VMP1: variants seen among roughly 807,000 people sequenced by gnomAD.
The protein encoded by VMP1 is ectopic P-granules autophagy protein 3 homolog.
Under a neutral mutation model 56.0 loss-of-function variants are expected in VMP1, and 11 were observed. That is an observed-to-expected ratio of 0.20 (90% CI 0.12 to 0.32). The LOEUF (loss-of-function observed/expected upper bound fraction) is 0.32. VMP1 is among the 10% of genes least tolerant of loss of function. The pLI is 1.00. For missense variants in VMP1, 296 were observed against 490.3 expected, an observed-to-expected ratio of 0.60 and a Z score of 3.74; for synonymous variants, 149 against 165.0, an observed-to-expected ratio of 0.90 and a Z score of 0.74.
At chr17:59,769,231 T>C (rs1320303559) in intron 6 of VMP1, among the ~76,000 whole-genome samples, 1 of 151,076 alleles carries the variant, frequency 6.6e-6, no homozygotes, top group East Asian at 2.0e-4. Flanking sequence ...TCTCACTCAC[T>C]GCAACCTCCG....
At chr17:59,756,563 C>G (rs1001282786) in intron 5 of VMP1, among the ~76,000 whole-genome samples, 1 of 152,220 alleles carries the variant, frequency 6.6e-6, no homozygotes, top group Non-Finnish European at 1.5e-5. Flanking sequence ...ATTGACATTA[C>G]AGATGTTGTC....
intron 1 of VMP1, among the ~76,000 whole-genome samples, chr17:59,717,195 C>T (rs760044760): frequency 1.3e-5 from 2 of 152,024 alleles, no homozygotes; most frequent in Non-Finnish European, 1.5e-5. Context: ...TGGTCTTGAT[C>T]TCCTGACCTC....
At chr17:59,810,618 G>A (rs2038024810) in intron 8 of VMP1, among the ~76,000 whole-genome samples, 1 of 152,156 alleles carries the variant, frequency 6.6e-6, no homozygotes, top group African/African-American at 2.4e-5. Flanking sequence ...ATGGTTGTAA[G>A]AGATGAAATA....
At chr17:59,798,531 C>T (rs2037526269) in intron 7 of VMP1, among the ~76,000 whole-genome samples, 1 of 152,148 alleles carries the variant, frequency 6.6e-6, no homozygotes, top group Admixed American at 6.5e-5. Flanking sequence ...ATAAATGTTT[C>T]GTGAAATAGT....
intron 11 of VMP1, 149 bp from the exon 12 acceptor site, chr17:59,839,619 G>GGTCGCCGT: frequency 2.2e-6 from 2 of 920,290 alleles, no homozygotes; most frequent in South Asian, 1.8e-5. Context: ...GAGTAATGGA[G>GGTCGCCGT]ATTTCAGAGT....
At chr17:59,710,517 CACAT>C (rs1320956831) in intron 1 of VMP1, among the ~76,000 whole-genome samples, 1 of 152,204 alleles carries the variant, frequency 6.6e-6, no homozygotes, top group African/African-American at 2.4e-5. Context: ...CGTAAATACA[CACAT>C]ACGCACATAA....
chr17:59,735,257 C>T, intron 2 of VMP1, 81 bp from the exon 3 acceptor site: 1 of 1,516,664 alleles, frequency 6.6e-7, no homozygotes, highest in South Asian at 1.2e-5. Flanking sequence ...GGAGATAAAA[C>T]TCTTTTCATC....
chr17:59,708,911 T>G (rs2033796678), intron 1 of VMP1, among the ~76,000 whole-genome samples: 1 of 152,200 alleles, frequency 6.6e-6, no homozygotes, highest in African/African-American at 2.4e-5. Context: ...AGTAGAAATT[T>G]TATATTTTAC....
At chr17:59,776,869 T>G (rs2036635617) in intron 7 of VMP1, among the ~76,000 whole-genome samples, 1 of 152,244 alleles carries the variant, frequency 6.6e-6, no homozygotes, top group South Asian at 2.1e-4. Context: ...CAAATGGGTA[T>G]GAGAGTTGTT....
intron 5 of VMP1, among the ~76,000 whole-genome samples, chr17:59,743,131 GGATCT>G (rs1392849100): frequency 2.0e-5 from 3 of 151,936 alleles, no homozygotes; most frequent in Non-Finnish European, 4.4e-5. Context: ...ATAGTTTATG[GGATCT>G]ACTCTGTGTT....
chr17:59,828,234 C>T (rs1251957853), intron 10 of VMP1, among the ~76,000 whole-genome samples: 1 of 152,202 alleles, frequency 6.6e-6, no homozygotes, highest in Non-Finnish European at 1.5e-5. Flanking sequence ...TTCTCTAGAG[C>T]TTCTCTTTAA....
rs555714357 is a variant in VMP1, at chr17:59,737,228, G to A, written c.213-225G>A. 7.2e-5 allele frequency among the ~76,000 whole-genome samples: 11 copies of A among 152,144 alleles called. No individual in the cohort carries two copies. In the East Asian group the frequency reaches 2.1e-3, roughly 29 times the overall value. ...GAGGTTTAATAAGATCAGGCTTTGG[G>A]TAAGGAAAAGGCTACAGTGGGGGTT... On this transcript the variant is annotated intron_variant, in intron 3 of 11. Coordinates refer to ENST00000262291, the MANE Select transcript of VMP1 (RefSeq NM_030938.5).
At chr17:59,839,664 T>C (rs2039096318) in intron 11 of VMP1, 104 bp from the exon 12 acceptor site, 2 of 1,398,428 alleles carry the variant, frequency 1.4e-6, no homozygotes, top group Non-Finnish European at 9.6e-7. Flanking sequence ...TTTAATTCTT[T>C]AGGTTTTGTA....
At chr17:59,749,019 G>A (rs1024408092) in intron 5 of VMP1, among the ~76,000 whole-genome samples, 2 of 150,788 alleles carry the variant, frequency 1.3e-5, no homozygotes, top group African/African-American at 4.9e-5. Flanking sequence ...GTGCGATCTC[G>A]GCTCACTGCA....
chr17:59,758,626 A>G (rs1052410485), intron 5 of VMP1, among the ~76,000 whole-genome samples: 2 of 151,556 alleles, frequency 1.3e-5, no homozygotes, highest in Admixed American at 6.6e-5. Flanking sequence ...GGAGTTTGAG[A>G]CTAGCCTGGG....
intron 1 of VMP1, among the ~76,000 whole-genome samples, chr17:59,712,500 C>CTAT (rs1309594163): frequency 6.6e-6 from 1 of 152,176 alleles, no homozygotes; most frequent in Non-Finnish European, 1.5e-5. Flanking sequence ...CCAGTGACAT[C>CTAT]TATTGCCTTA....
At chr17:59,748,016 G>A (rs964333759) in intron 5 of VMP1, among the ~76,000 whole-genome samples, 8 of 151,820 alleles carry the variant, frequency 5.3e-5, no homozygotes, top group Admixed American at 1.3e-4. Flanking sequence ...CTAACACAGT[G>A]AAACCCCGTC....
At chr17:59,801,229 A>G (rs765788694) in intron 7 of VMP1, among the ~76,000 whole-genome samples, 34 of 150,622 alleles carry the variant, frequency 2.3e-4, no homozygotes, top group Non-Finnish European at 3.7e-4. Context: ...TTACTATACT[A>G]TAGTTTTATC....
chr17:59,780,589 T>C (rs867217480), intron 7 of VMP1, among the ~76,000 whole-genome samples: 90 of 152,160 alleles, frequency 5.9e-4, no homozygotes, highest in African/African-American at 2.1e-3. Flanking sequence ...TTGTTTTTTG[T>C]TTTTTGTTTT....
Sources: allele counts gnomAD v4.1 joint callset (sites outside exome capture counted in the v4.1 genomes callset), GRCh38; gene constraint gnomAD v4.1.1; transcripts MANE v1.5; gene names NCBI Gene and HGNC (gene_info 2026-07-23, HGNC 2026-07-21).